Variants in SNX29 observed in about 807,000 individuals in gnomAD.
SNX29 encodes sorting nexin 29, also known as sorting nexin-29.
Under a neutral mutation model 102.1 loss-of-function variants are expected in SNX29, and 78 were observed. The observed-to-expected ratio is 0.76, with a 90% CI of 0.64 to 0.92. The LOEUF (loss-of-function observed/expected upper bound fraction) is 0.92. SNX29 is among the 40% of genes least tolerant of loss of function. SNX29 has a pLI of 0.00. For missense variants in SNX29, 1,280 were observed against 1,061.7 expected (o/e 1.21, Z -2.86); for synonymous variants, 580 against 414.5 (o/e 1.40, Z -4.85).
At chr16:12,554,161 T>G (rs1055869218) in intron 20 of SNX29, among the ~76,000 whole-genome samples, 2 of 152,338 alleles carry the variant, frequency 1.3e-5, no homozygotes, top group East Asian at 3.9e-4. Context: ...TTTAAGTAAA[T>G]GAGCAATGTG....
chr16:12,504,437 A>G (rs949893056), intron 19 of SNX29, among the ~76,000 whole-genome samples: 1 of 152,150 alleles, frequency 6.6e-6, no homozygotes, highest in Non-Finnish European at 1.5e-5. Flanking sequence ...GCAACCACTC[A>G]TCTGCTTTCC....
At chr16:12,188,483 T>G (rs919445641) in intron 13 of SNX29, among the ~76,000 whole-genome samples, 3 of 152,220 alleles carry the variant, frequency 2.0e-5, no homozygotes, top group African/African-American at 7.2e-5. Context: ...CTGACAAGTA[T>G]GATTCCGGCT....
At chr16:12,428,445 C>T (rs932839695) in intron 18 of SNX29, among the ~76,000 whole-genome samples, 7 of 151,826 alleles carry the variant, frequency 4.6e-5, no homozygotes, top group Non-Finnish European at 1.0e-4. Context: ...AAAAGTAGTA[C>T]ATCTTCTTTA....
intron 13 of SNX29, among the ~76,000 whole-genome samples, chr16:12,136,641 A>C (rs1159638222): frequency 6.6e-6 from 1 of 152,230 alleles, no homozygotes; most frequent in Non-Finnish European, 1.5e-5. Flanking sequence ...GCATAGAGCA[A>C]AGATGGCCTC....
intron 14 of SNX29, among the ~76,000 whole-genome samples, chr16:12,204,327 A>G (rs903528298): frequency 1.3e-5 from 2 of 152,134 alleles, no homozygotes; most frequent in African/African-American, 4.8e-5. Flanking sequence ...TCTATGGCAA[A>G]TTATTATGTC....
At position 12,528,459 on chromosome 16, in the gene SNX29, G is replaced by A. The variant is rs112805596; in HGVS notation, c.2318+3618G>A. Among the ~76,000 whole-genome samples, 661 of 151,866 alleles carry A rather than the reference G, an allele frequency of 4.4e-3. 4 individuals carry two copies. Among genetic ancestry groups the A allele is most frequent in the Middle Eastern group, 0.01 (3 of 294 alleles). On this transcript the variant is annotated intron_variant, in intron 20 of 20. Transcript: ENST00000566228. The stretch of plus-strand genomic sequence containing the variant: ...AGGTGATCCGCGTACCTCGACCTCC[G>A]AAAGTGCTGCAATTACAGGTGTGAG...
intron 18 of SNX29, among the ~76,000 whole-genome samples, chr16:12,470,682 C>T (rs960038121): frequency 1.3e-5 from 2 of 152,164 alleles, no homozygotes; most frequent in Admixed American, 6.5e-5. Flanking sequence ...ACAGAGCACG[C>T]TTTATGTTTG....
At chr16:12,421,841 C>A (rs1567546498) in intron 18 of SNX29, among the ~76,000 whole-genome samples, 1 of 151,832 alleles carries the variant, frequency 6.6e-6, no homozygotes, top group African/African-American at 2.4e-5. Context: ...CCATGCATCA[C>A]CATCACCAGC....
At chr16:12,075,459 C>T (rs935758657) in intron 10 of SNX29, among the ~76,000 whole-genome samples, 2 of 152,206 alleles carry the variant, frequency 1.3e-5, no homozygotes, top group East Asian at 1.9e-4. Context: ...GTATCAGCAG[C>T]GGTGTCTGCA....
intron 20 of SNX29, among the ~76,000 whole-genome samples, chr16:12,543,283 G>T (rs1490566086): frequency 6.6e-6 from 1 of 152,192 alleles, no homozygotes; most frequent in Non-Finnish European, 1.5e-5. Flanking sequence ...ATGCATCTGG[G>T]TCCGTGCCTG....
At chr16:12,073,146 G>A (rs1385757855) in intron 10 of SNX29, among the ~76,000 whole-genome samples, 1 of 151,542 alleles carries the variant, frequency 6.6e-6, no homozygotes, top group Non-Finnish European at 1.5e-5. Context: ...TTTTTTGAAG[G>A]GTTTTTTGTG....
rs1249618503 is a variant in SNX29 at position 12,569,934 on chromosome 16, G to C, written c.*1305G>C. 2.6e-5 allele frequency: 6 copies of C among 232,664 alleles called. No homozygotes were observed. In the East Asian group the frequency reaches 3.0e-4, roughly 12 times the overall value. The allele number at this position is 232,664 out of a possible 1,614,324, so 14.4% of individuals were successfully genotyped here. ...GACACAGCAGAACCTGAGGAGAAAAGCAGGTGGAAGGTGACGGTTAGATGG... is the reference window on the plus strand; with the variant it reads ...GACACAGCAGAACCTGAGGAGAAAACCAGGTGGAAGGTGACGGTTAGATGG... On this transcript the variant is annotated 3_prime_UTR_variant, in exon 21 of 21. Coordinates refer to ENST00000566228, the MANE Select transcript of SNX29 (RefSeq NM_032167.5).
chr16:12,481,465 T>TATAC (rs35363105), intron 19 of SNX29, among the ~76,000 whole-genome samples: 17,239 of 102,604 alleles, frequency 0.17, 1,068 homozygotes, highest in Admixed American at 0.21. Flanking sequence ...CATATATATA[T>TATAC]ACACATATAT....
chr16:12,470,942 G>C (rs76887958), intron 18 of SNX29, among the ~76,000 whole-genome samples: 1 of 152,138 alleles, frequency 6.6e-6, no homozygotes, highest in Non-Finnish European at 1.5e-5. Flanking sequence ...CTGCCTTACA[G>C]ATGAAGAAGC....
chr16:12,108,776 CT>C (rs2053375556), intron 11 of SNX29, among the ~76,000 whole-genome samples: 1 of 152,146 alleles, frequency 6.6e-6, no homozygotes, highest in Non-Finnish European at 1.5e-5. Flanking sequence ...ACACACGAAG[CT>C]GTCCCTGTCT....
chr16:12,457,170 GA>G, intron 18 of SNX29, among the ~76,000 whole-genome samples: 1 of 152,204 alleles, frequency 6.6e-6, no homozygotes, highest in Non-Finnish European at 1.5e-5. Context: ...CCCCTTTCCA[GA>G]ATTGCTAATA....
intron 7 of SNX29, among the ~76,000 whole-genome samples, chr16:12,049,099 A>G (rs2050203242): frequency 6.6e-6 from 1 of 152,198 alleles, no homozygotes; most frequent in Admixed American, 6.5e-5. Context: ...TATGGGGAAC[A>G]TCTGCCATTG....
chr16:12,162,128 T>C (rs190377819), intron 13 of SNX29, among the ~76,000 whole-genome samples: 31 of 152,292 alleles, frequency 2.0e-4, no homozygotes, highest in East Asian at 1.5e-3. Context: ...ACACCAGGCT[T>C]GTTCCAACTG....
chr16:12,266,397 A>G (rs1410752978), intron 14 of SNX29, among the ~76,000 whole-genome samples: 2 of 152,020 alleles, frequency 1.3e-5, no homozygotes, highest in Non-Finnish European at 2.9e-5. Flanking sequence ...GACTGCCCCT[A>G]TTGCGGATTT....
Sources: gnomAD v4.1 joint callset for allele counts (sites outside exome capture counted in the v4.1 genomes callset) on GRCh38, gnomAD v4.1.1 for gene constraint, MANE v1.5 for transcripts, NCBI Gene and HGNC (gene_info 2026-07-23, HGNC 2026-07-21) for gene names.